The following METTL15 variants were observed in gnomAD, a reference collection of about 807,000 sequenced individuals.
METTL15 encodes the protein 12S rRNA N(4)-cytidine methyltransferase METTL15.
In METTL15, 34 loss-of-function variants were observed where a neutral mutation model predicts 38.3. That is an observed-to-expected ratio of 0.89 (90% CI 0.68 to 1.18). METTL15 has a LOEUF of 1.18. Ranked by LOEUF, METTL15 falls within the 50% of genes most tolerant of loss-of-function variation. The pLI is 0.00. For missense variants in METTL15, 438 were observed against 498.4 expected (o/e 0.88, Z 1.15); for synonymous variants, 162 against 170.9 (o/e 0.95, Z 0.41).
At chr11:28,478,138 T>C (rs1172248210) in intron 6 of METTL15, among the ~76,000 whole-genome samples, 1 of 152,190 alleles carries the variant, frequency 6.6e-6, no homozygotes, top group African/African-American at 2.4e-5. Flanking sequence ...ATCTTAAAAC[T>C]TTAGTCAGAT....
At chr11:28,313,431 ATGAT>A (rs1180722165) in intron 6 of METTL15, among the ~76,000 whole-genome samples, 1 of 151,994 alleles carries the variant, frequency 6.6e-6, no homozygotes, top group African/African-American at 2.4e-5. Context: ...TTAATAATCA[ATGAT>A]TAATGAATTT....
At position 28,506,674 on chromosome 11, in the gene METTL15, GT is replaced by G. The variant is rs1397709234; in HGVS notation, c.*425-19803del. ...AACTGTGGCCTGTATCCCTTTTGCT[GT>G]GTTCAAAGTGTCAAAATCATGGAGT... On this transcript the variant is annotated intron_variant and NMD_transcript_variant, in intron 6 of 7. Transcript: ENST00000532947. Among the ~76,000 whole-genome samples the G allele has an allele frequency of 8.0e-5, 12 of 149,962 alleles. No homozygotes were observed. In the East Asian group the frequency reaches 2.0e-3, roughly 25 times the overall value.
intron 5 of METTL15, among the ~76,000 whole-genome samples, chr11:28,386,168 A>T (rs1850438491): frequency 6.6e-6 from 1 of 152,090 alleles, no homozygotes; most frequent in South Asian, 2.1e-4. Flanking sequence ...TCAACAAAAC[A>T]CAAAGAAAGG....
chr11:28,218,961 C>G (rs1463932030), intron 4 of METTL15, among the ~76,000 whole-genome samples: 1 of 152,088 alleles, frequency 6.6e-6, no homozygotes, highest in Non-Finnish European at 1.5e-5. Flanking sequence ...TTCGGTTTGC[C>G]AGTATGTTAT....
In METTL15 at chr11:28,432,876, A is replaced by G. The variant is rs922653819; in HGVS notation, c.*424+8512A>G. Among the ~76,000 whole-genome samples, 19 of 152,034 alleles carry G rather than the reference A, an allele frequency of 1.2e-4. 1 individual carries two copies. Among genetic ancestry groups the G allele is most frequent in the Admixed American group, 7.2e-4 (11 of 15,276 alleles). The stretch of plus-strand genomic sequence containing the variant: ...ATAACCTAGTGAAGCATTCTTTCTT[A>G]GCAACAAACTCCCAGAGCACTGGCT... On this transcript the variant is annotated intron_variant and NMD_transcript_variant, in intron 6 of 7. Coordinates refer to the METTL15 transcript ENST00000532947.
intron 6 of METTL15, among the ~76,000 whole-genome samples, chr11:28,308,816 ACTT>A (rs1345086092): frequency 2.0e-5 from 3 of 151,980 alleles, no homozygotes; most frequent in East Asian, 1.9e-4. Context: ...CTGCATTGAA[ACTT>A]CTTCATCACT....
chr11:28,484,262 G>C (rs576128620), intron 6 of METTL15, among the ~76,000 whole-genome samples: 20 of 152,098 alleles, frequency 1.3e-4, no homozygotes, highest in Non-Finnish European at 2.8e-4. Context: ...AGAAATCAAG[G>C]CACAGAAGTT....
downstream of METTL15, among the ~76,000 whole-genome samples, chr11:28,338,136 A>C (rs1309159646): frequency 6.6e-6 from 1 of 150,382 alleles, no homozygotes; most frequent in Non-Finnish European, 1.5e-5. Flanking sequence ...TTGCAACTGC[A>C]GTCTTTAAGC....
chr11:28,263,729 T>A (rs914308197), intron 4 of METTL15, among the ~76,000 whole-genome samples: 1 of 152,094 alleles, frequency 6.6e-6, no homozygotes, highest in African/African-American at 2.4e-5. Flanking sequence ...TCTGTCAGAT[T>A]TAATGAAAAC....
chr11:28,529,867 A>G (rs1341625370), downstream of METTL15, among the ~76,000 whole-genome samples: 1 of 152,280 alleles, frequency 6.6e-6, no homozygotes, highest in Non-Finnish European at 1.5e-5. Flanking sequence ...CTTATGTTTC[A>G]AATGTCCTCA....
At chr11:28,491,358 G>C (rs1851493274) in intron 6 of METTL15, among the ~76,000 whole-genome samples, 1 of 152,096 alleles carries the variant, frequency 6.6e-6, no homozygotes, top group Non-Finnish European at 1.5e-5. Context: ...TGAGGGACAG[G>C]GTAGGAGCTT....
At chr11:28,490,371 T>G (rs1240777741) in intron 6 of METTL15, among the ~76,000 whole-genome samples, 2 of 152,106 alleles carry the variant, frequency 1.3e-5, no homozygotes, top group Non-Finnish European at 2.9e-5. Context: ...CATTGATTTT[T>G]CCCCAAATCT....
intron 3 of METTL15, among the ~76,000 whole-genome samples, chr11:28,198,630 CA>C (rs1302057495): frequency 1.3e-5 from 2 of 151,974 alleles, no homozygotes; most frequent in Non-Finnish European, 2.9e-5. Context: ...TGTATAAGCC[CA>C]TATAATAGTT....
At chr11:28,182,445 A>G (rs1362211704) in intron 3 of METTL15, among the ~76,000 whole-genome samples, 1 of 151,942 alleles carries the variant, frequency 6.6e-6, no homozygotes, top group East Asian at 1.9e-4. Flanking sequence ...AGGTGTAAGG[A>G]AGGGGTCCAG....
chr11:28,284,328 A>G (rs769200456), intron 4 of METTL15, among the ~76,000 whole-genome samples: 2 of 152,162 alleles, frequency 1.3e-5, no homozygotes, highest in Non-Finnish European at 2.9e-5. Context: ...TTAAACAGCT[A>G]AGCTTGAGGA....
chr11:28,201,412 G>A (rs1248787438), intron 3 of METTL15, among the ~76,000 whole-genome samples: 3 of 152,132 alleles, frequency 2.0e-5, no homozygotes, highest in Non-Finnish European at 4.4e-5. Flanking sequence ...AGTTAGGGAG[G>A]AGTCCCAACT....
rs540646990 is a variant in METTL15, at chr11:28,244,547, C to T, written c.407+33349C>T. ...GGCTGTAACTCCTGATTTTCCAGTT[C>T]AGTTTGTTTTTGGTATGGCTCAGGA... On this transcript the variant is annotated intron_variant, in intron 4 of 6. Transcript: ENST00000407364. 5.9e-5 allele frequency among the ~76,000 whole-genome samples: 9 copies of T among 152,182 alleles called. No homozygotes were observed. The East Asian group carries it at 1.4e-3, about 23-fold the overall frequency.
At chr11:28,328,055 C>T (rs751796405) in intron 6 of METTL15, 1 of 1,583,758 alleles carries the variant, frequency 6.3e-7, no homozygotes, top group Non-Finnish European at 8.6e-7. Context: ...ATGTTTACTT[C>T]CTATTTTACA....
intron 5 of METTL15, among the ~76,000 whole-genome samples, chr11:28,375,341 A>G (rs1454567397): frequency 2.6e-5 from 4 of 151,814 alleles, no homozygotes; most frequent in Admixed American, 6.6e-5. Flanking sequence ...CCATAATTTC[A>G]GAGCCTGTTA....
Sources: allele counts gnomAD v4.1 joint callset (sites outside exome capture counted in the v4.1 genomes callset), GRCh38; gene constraint gnomAD v4.1.1; transcripts MANE v1.5; gene names NCBI Gene and HGNC (gene_info 2026-07-23, HGNC 2026-07-21).